The following SLC38A9 variants were observed in gnomAD, a reference collection of about 807,000 sequenced individuals.
SLC38A9 encodes the protein solute carrier family 38 member 9.
A neutral mutation model predicts 62.3 loss-of-function variants in SLC38A9; 48 were observed. The observed-to-expected ratio is 0.77, with a 90% CI of 0.61 to 0.98. The LOEUF is 0.98. SLC38A9 is among the 50% of genes least tolerant of loss of function. The probability of loss-of-function intolerance (pLI) is 0.00; values close to 1 mark genes in which losing one functional copy is unlikely to be tolerated. For missense variants in SLC38A9, 541 were observed against 679.8 expected, an observed-to-expected ratio of 0.80 and a Z score of 2.27; for synonymous variants, 204 against 227.7, an observed-to-expected ratio of 0.90 and a Z score of 0.94.
chr5:55,706,198 G>A (rs1757276092), intron 2 of SLC38A9, among the ~76,000 whole-genome samples: 1 of 152,126 alleles, frequency 6.6e-6, no homozygotes, highest in Non-Finnish European at 1.5e-5. Flanking sequence ...CCTTCCAGTG[G>A]CAGTGAAACA....
At position 55,627,943 on chromosome 5, in the gene SLC38A9, C is replaced by T. The variant is rs1254276564; in HGVS notation, c.1468G>A (p.Gly490Arg). The T allele has an allele frequency of 6.2e-7, 1 of 1,612,404 alleles. No homozygotes were observed. Among genetic ancestry groups the T allele is most frequent in the Non-Finnish European group, 8.5e-7 (1 of 1,178,966 alleles). Residue 490 changes from glycine (G) to arginine (R), a missense_variant, in exon 15 of 16, where the codon GGA (glycine) becomes AGA (arginine). Physicochemically the swap from Gly to Arg is moderately radical, Grantham distance 125 (BLOSUM62 -2). Coordinates refer to ENST00000396865, the MANE Select transcript of SLC38A9 (RefSeq NM_173514.4). ...HVLILNLIIV[G>R]AGVIMACFYP... ...AAACAGGCCATGATCACTCCAGCTC[C>T]CACAATAATTAGATTAAGAATCAGC...
At position 55,627,945 on chromosome 5, in the gene SLC38A9, A is replaced by G. The variant is rs1488115778; in HGVS notation, c.1466T>C (p.Val489Ala). Residue 489 changes from valine to alanine, a missense_variant, in exon 15 of 16, where the codon GTG becomes GCG. Val to Ala is a moderately conservative substitution (Grantham distance 64). Coordinates refer to ENST00000396865, the MANE Select transcript of SLC38A9 (RefSeq NM_173514.4). Reference sequence around the variant, plus strand: ...ACAGGCCATGATCACTCCAGCTCCCACAATAATTAGATTAAGAATCAGCAC... The same window carrying G: ...ACAGGCCATGATCACTCCAGCTCCCGCAATAATTAGATTAAGAATCAGCAC... ...FHVLILNLII[V>A]GAGVIMACFY... 4 of 1,612,834 alleles carry G rather than the reference A, an allele frequency of 2.5e-6. No homozygotes were observed. Among genetic ancestry groups the G allele is most frequent in the Non-Finnish European group, 3.4e-6 (4 of 1,179,128 alleles).
At chr5:55,635,145 G>A (rs565452155) in intron 13 of SLC38A9, 3 of 191,602 alleles carry the variant, frequency 1.6e-5, no homozygotes, top group African/African-American at 7.2e-5. Flanking sequence ...GGGCATTCCT[G>A]ATACAGGCTT....
At chr5:55,630,128 T>A (rs1165914866) in intron 14 of SLC38A9, among the ~76,000 whole-genome samples, 1 of 152,192 alleles carries the variant, frequency 6.6e-6, no homozygotes, top group Admixed American at 6.5e-5. Flanking sequence ...TCCACAATTA[T>A]ATGAAAAAGC....
chr5:55,657,390 C>T (rs901276544), intron 8 of SLC38A9, among the ~76,000 whole-genome samples: 8 of 152,078 alleles, frequency 5.3e-5, no homozygotes, highest in Non-Finnish European at 1.2e-4. Context: ...TTTCTCTTAT[C>T]CTCACACTAA....
intron 8 of SLC38A9, among the ~76,000 whole-genome samples, chr5:55,661,479 C>T (rs1749563861): frequency 7.0e-6 from 1 of 143,110 alleles, no homozygotes; most frequent in African/African-American, 2.6e-5. Flanking sequence ...AAGGAAGACT[C>T]AGTATCTAAA....
At chr5:55,627,828 C>G in intron 15 of SLC38A9, 63 bp downstream of exon 15, 1 of 999,500 alleles carries the variant, frequency 1.0e-6, no homozygotes, top group South Asian at 1.5e-5. Flanking sequence ...ACAACAACAA[C>G]AGGAAAAGCC....
At chr5:55,644,968 T>C (rs1746086003) in intron 12 of SLC38A9, among the ~76,000 whole-genome samples, 1 of 151,694 alleles carries the variant, frequency 6.6e-6, no homozygotes, top group South Asian at 2.1e-4. Flanking sequence ...ACATGCGGTG[T>C]TTGGTTTTTT....
At position 55,669,653 on chromosome 5, in the gene SLC38A9, G is replaced by C. The variant is rs201506371; in HGVS notation, c.369-33C>G. 1.0e-5 allele frequency: 16 copies of C among 1,592,704 alleles called. No individual in the cohort carries two copies. The African/African-American group carries it at 2.0e-4, about 20-fold the overall frequency. On this transcript the variant is annotated intron_variant, in intron 5 of 15. Coordinates refer to ENST00000396865, the MANE Select transcript of SLC38A9 (RefSeq NM_173514.4). ...CACAGAGTAATAGCAGTAAAAAAAT[G>C]GAGTTTCACTCTTCAAACATTTTAA...
At chr5:55,675,750 G>A (rs1025422222) in intron 3 of SLC38A9, among the ~76,000 whole-genome samples, 1 of 152,112 alleles carries the variant, frequency 6.6e-6, no homozygotes, top group Non-Finnish European at 1.5e-5. Context: ...TTTAAAATAT[G>A]AGTCAAACCT....
intron 4 of SLC38A9, among the ~76,000 whole-genome samples, 191 bp downstream of exon 4, chr5:55,672,371 GT>G (rs1751464769): frequency 6.6e-6 from 1 of 152,158 alleles, no homozygotes; most frequent in Admixed American, 6.5e-5. Flanking sequence ...TAGAAACATT[GT>G]TTCAAATTTA....
At chr5:55,709,563 C>G (rs191243933) in intron 2 of SLC38A9, among the ~76,000 whole-genome samples, 27 of 150,846 alleles carry the variant, frequency 1.8e-4, no homozygotes, top group African/African-American at 6.6e-4. Context: ...GCTTGAGTAT[C>G]AGAGCAAAAC....
At chr5:55,627,100 C>T (rs1489446226) in intron 15 of SLC38A9, among the ~76,000 whole-genome samples, 1 of 152,098 alleles carries the variant, frequency 6.6e-6, no homozygotes, top group African/African-American at 2.4e-5. Flanking sequence ...AAGATAATAA[C>T]AAAAATACTT....
At chr5:55,692,853 G>C in intron 3 of SLC38A9, 1 of 980,326 alleles carries the variant, frequency 1.0e-6, no homozygotes, top group Non-Finnish European at 1.2e-6. Context: ...TATATTTACT[G>C]ACATTGGATT....
At chr5:55,640,411 G>A (rs2150097185) in intron 12 of SLC38A9, among the ~76,000 whole-genome samples, 1 of 152,278 alleles carries the variant, frequency 6.6e-6, no homozygotes, top group East Asian at 1.9e-4. Context: ...AATACTAAGT[G>A]GAAAGAACTC....
chr5:55,688,296 T>A (rs1754222066), intron 3 of SLC38A9, among the ~76,000 whole-genome samples: 2 of 152,086 alleles, frequency 1.3e-5, no homozygotes. Context: ...AATACTATGT[T>A]GAATAGGAGT....
At chr5:55,642,199 C>T (rs1247005300) in intron 12 of SLC38A9, among the ~76,000 whole-genome samples, 2 of 152,172 alleles carry the variant, frequency 1.3e-5, no homozygotes, top group South Asian at 2.1e-4. Flanking sequence ...GCATGTGCCA[C>T]CACACCCGGC....
intron 2 of SLC38A9, among the ~76,000 whole-genome samples, chr5:55,706,262 T>C (rs2150719898): frequency 6.6e-6 from 1 of 152,336 alleles, no homozygotes; most frequent in South Asian, 2.1e-4. Context: ...GCCTAAACAA[T>C]GGCAGAAATA....
intron 3 of SLC38A9, among the ~76,000 whole-genome samples, chr5:55,686,416 T>C (rs1198662356): frequency 1.1e-5 from 1 of 93,184 alleles, no homozygotes; most frequent in African/African-American, 3.3e-5. Flanking sequence ...TGGCTGCATA[T>C]ATGTCTTCAG....
Sources: gnomAD v4.1 joint callset for allele counts (sites outside exome capture counted in the v4.1 genomes callset) on GRCh38, gnomAD v4.1.1 for gene constraint, MANE v1.5 for transcripts, NCBI Gene and HGNC (gene_info 2026-07-23, HGNC 2026-07-21) for gene names.